Variants in PRC1 observed in about 807,000 individuals in gnomAD.
PRC1 encodes the protein anaphase spindle elongation 1 homolog.
A neutral mutation model predicts 91.2 loss-of-function variants in PRC1; 54 were observed. That is an observed-to-expected ratio of 0.59 (90% CI 0.48 to 0.74). The LOEUF (loss-of-function observed/expected upper bound fraction) is 0.74, where lower values mean the gene tolerates loss of function less well. PRC1 is among the 30% of genes least tolerant of loss of function. PRC1 has a pLI of 0.00. For missense variants in PRC1, 727 were observed against 746.2 expected (o/e 0.97, Z 0.30); for synonymous variants, 275 against 263.6 (o/e 1.04, Z -0.42).
Position 90,974,554 on chromosome 15 carries a change from T to G in PRC1, c.1350+31A>C, listed in dbSNP as rs780248828. 1 of 1,613,676 alleles carries G rather than the reference T, an allele frequency of 6.2e-7. No individual in the cohort carries two copies. Among genetic ancestry groups the G allele is most frequent in the South Asian group, 1.1e-5 (1 of 91,082 alleles). ...GCTGCTCAGATTACTTTCTTCGTCTTTTCCCAATTTGCGTTCACGTTCACA... is the reference window on the plus strand; with the variant it reads ...GCTGCTCAGATTACTTTCTTCGTCTGTTCCCAATTTGCGTTCACGTTCACA... On this transcript the variant is annotated intron_variant, in intron 10 of 14. Transcript: ENST00000394249. The surrounding 1 kb of genome is among the most constrained non-coding windows in gnomAD (Gnocchi z 4.6).
rs1483057624 is a variant in PRC1, at chr15:90,976,679, G to C, written c.1200C>G (p.Pro400=). 2 of 1,606,758 alleles carry C rather than the reference G, an allele frequency of 1.2e-6. No homozygotes were observed. Among genetic ancestry groups the C allele is most frequent in the Non-Finnish European group, 1.7e-6 (2 of 1,173,558 alleles). ...AAACCCTTAGCAACATTATTACCTT[G>C]GGCAGCATTTTCTGGAGCTTGGCTC... ...KQRAKLQKML[P]KLEEELKARI... is the part of the protein sequence containing the mutation. The change falls in exon 9 of 15, where the codon CCC becomes CCG. Residue 400 remains proline (P), a synonymous_variant. Transcript: ENST00000394249.
At chr15:90,987,832 T>G (rs898870946) in intron 1 of PRC1, 1 of 152,192 alleles carries the variant, frequency 6.6e-6, no homozygotes, top group Admixed American at 6.5e-5. Flanking sequence ...GTCACCAGCC[T>G]GGATCTCTAA....
intron 1 of PRC1, among the ~76,000 whole-genome samples, chr15:90,991,984 T>C (rs950020009): frequency 1.3e-5 from 2 of 152,220 alleles, no homozygotes; most frequent in Admixed American, 1.3e-4. Context: ...ACCTCAGTGC[T>C]CATTCTATTC....
chr15:90,973,273 G>C (rs1159414121), intron 11 of PRC1, among the ~76,000 whole-genome samples: 2 of 152,234 alleles, frequency 1.3e-5, no homozygotes, highest in Non-Finnish European at 2.9e-5. Context: ...TGGAATCAAG[G>C]TTCAAGGGAT....
chr15:90,976,726 G>A lies in PRC1; in HGVS notation c.1153C>T (p.Leu385Phe). Residue 385 changes from leucine (L) to phenylalanine (F), a missense_variant, in exon 9 of 15, where the codon CTT becomes TTT. Coordinates refer to ENST00000394249, the MANE Select transcript of PRC1 (RefSeq NM_003981.4). ...PNRFTNRGGNLLKEEKQRAKL... is the reference protein window; with the variant it reads ...PNRFTNRGGNFLKEEKQRAKL... ...GCTCGTTGTTTTTCTTCTTTTAGAA[G>A]ATTTCCTCCTCGGTTTGTAAATCGA... 1 of 1,613,698 alleles carries A rather than the reference G, an allele frequency of 6.2e-7. No individual in the cohort carries two copies. Among genetic ancestry groups the A allele is most frequent in the African/African-American group, 1.3e-5 (1 of 75,018 alleles).
intron 14 of PRC1, chr15:90,968,615 G>A: frequency 8.0e-6 from 8 of 996,016 alleles, no homozygotes; most frequent in Non-Finnish European, 9.6e-6. Context: ...GCAAAGGTGA[G>A]GAAATCAGCA....
chr15:90,967,354 G>A (rs2151394729), intron 14 of PRC1, 152 bp from the exon 15 acceptor site: 2 of 639,618 alleles, frequency 3.1e-6, no homozygotes, highest in East Asian at 2.7e-5. Context: ...AGTAAAAGGT[G>A]AGGAACTCTG....
intron 13 of PRC1, 122 bp downstream of exon 13, chr15:90,969,325 G>C (rs984932356): frequency 7.5e-7 from 1 of 1,341,596 alleles, no homozygotes; most frequent in South Asian, 1.4e-5. Flanking sequence ...AAGCAGGAAA[G>C]GGATTCTCAG....
chr15:90,971,830 C>T lies in PRC1; in HGVS notation c.1462-1316G>A, dbSNP rs998994503. Among the ~76,000 whole-genome samples the T allele has an allele frequency of 7.3e-5, 11 of 151,670 alleles. 1 individual carries two copies. The highest frequency in any genetic ancestry group is 6.6e-4 in the Admixed American group (10 of 15,228). On this transcript the variant is annotated intron_variant, in intron 11 of 14. Coordinates refer to ENST00000394249, the MANE Select transcript of PRC1 (RefSeq NM_003981.4). The stretch of plus-strand genomic sequence containing the variant: ...ATCTTCTGAGGTCAAGAGATTGAGA[C>T]CATCCTGGCCAACAAAGTGAAACCC...
In PRC1 at chr15:90,966,360, C is replaced by T. The variant is rs1308713775; in HGVS notation, c.*771G>A. 1 of 323,582 alleles carries T rather than the reference C, an allele frequency of 3.1e-6. No homozygotes were observed. Among genetic ancestry groups the T allele is most frequent in the African/African-American group, 2.2e-5 (1 of 45,756 alleles). 20.0% of individuals were successfully genotyped at this position (323,582 alleles called of 1,614,324 possible). ...TCTCCACGACAAAGACAGCTCAACC[C>T]ATTGGAACAAACAGACTCCCAATGT... On this transcript the variant is annotated 3_prime_UTR_variant, in exon 15 of 15. Coordinates refer to ENST00000394249, the MANE Select transcript of PRC1 (RefSeq NM_003981.4).
At chr15:90,967,839 T>C (rs2037658848) in intron 14 of PRC1, 1 of 985,406 alleles carries the variant, frequency 1.0e-6, no homozygotes, top group Non-Finnish European at 1.2e-6. Context: ...GGCATGACTC[T>C]ACTTCACAGA....
Position 90,979,244 on chromosome 15 carries a change from A to C in PRC1, c.1021T>G (p.Leu341Val). The stretch of plus-strand genomic sequence containing the variant: ...TTGTGAACTTCATAGTAGTTTTTTA[A>C]CCGCACAATCTCAGCATCGTGGAGC... Reference protein sequence around the residue: ...LQLHDAEIVRLKNYYEVHKEL... With the variant: ...LQLHDAEIVRVKNYYEVHKEL... The change falls in exon 8 of 15, where the codon TTA becomes GTA. Residue 341 changes from leucine to valine, a missense_variant. Transcript: ENST00000394249. 2 of 1,614,226 alleles carry C rather than the reference A, an allele frequency of 1.2e-6. No homozygotes were observed.
Position 90,966,323 on chromosome 15 carries a change from C to T in PRC1, c.*808G>A. 1 of 281,510 alleles carries T rather than the reference C, an allele frequency of 3.6e-6. No individual in the cohort carries two copies. Among genetic ancestry groups the T allele is most frequent in the Non-Finnish European group, 7.2e-6 (1 of 138,406 alleles). 17.4% of individuals were successfully genotyped at this position (281,510 alleles called of 1,614,324 possible). On this transcript the variant is annotated 3_prime_UTR_variant, in exon 15 of 15. Coordinates refer to ENST00000394249, the MANE Select transcript of PRC1 (RefSeq NM_003981.4). ...AACACCTCCCCAGTAGTGACATGTGCAAAGTTCCAGATCTCCACGACAAAG... is the reference window on the plus strand; with the variant it reads ...AACACCTCCCCAGTAGTGACATGTGTAAAGTTCCAGATCTCCACGACAAAG...
rs200166514 is a variant in PRC1, at chr15:90,981,930, C to A, written c.319G>T (p.Val107Leu). Residue 107 changes from valine to leucine, a missense_variant, in exon 4 of 15, where the codon GTG becomes TTG. Val to Leu is a conservative substitution (Grantham distance 32). Transcript: ENST00000394249. ...LQLEKDLRTQ[V>L]ELMRKQKKER... ...TTTTTCTGTTTTCGCATCAATTCCA[C>A]TTGGGTGCGCAAATCTTTTTCTAGT... The A allele has an allele frequency of 2.8e-5, 45 of 1,614,194 alleles. No homozygotes were observed. In the East Asian group the frequency reaches 8.2e-4, roughly 30 times the overall value.
At position 90,981,760 on chromosome 15, in the gene PRC1, C is replaced by T; in HGVS notation, c.489G>A (p.Leu163=). The change falls in exon 4 of 15, where the codon TTG becomes TTA. Residue 163 remains leucine, a synonymous_variant. Transcript: ENST00000394249. Reference sequence around the variant, plus strand: ...GTAGGCAGTGTACCTTTGTTTCCCTCAAAGTTGTCACATGTTGCCTGAACT... The same window carrying T: ...GTAGGCAGTGTACCTTTGTTTCCCTTAAAGTTGTCACATGTTGCCTGAACT... ...LNQFRQHVTT[L]RETKASRREE... 1 of 1,610,706 alleles carries T rather than the reference C, an allele frequency of 6.2e-7. No homozygotes were observed. Among genetic ancestry groups the T allele is most frequent in the Non-Finnish European group, 8.5e-7 (1 of 1,177,554 alleles).
chr15:90,985,423 G>A (rs1017026780), intron 1 of PRC1, among the ~76,000 whole-genome samples: 5 of 151,570 alleles, frequency 3.3e-5, no homozygotes, highest in East Asian at 1.9e-4. Flanking sequence ...TAGAGTTGGG[G>A]TTTCGCCATG....
intron 14 of PRC1, chr15:90,967,721 T>G: frequency 1.6e-6 from 1 of 612,560 alleles, no homozygotes; most frequent in Non-Finnish European, 2.0e-6. Context: ...CGCCATACCA[T>G]ATAGTTTAGG....
In PRC1 at chr15:90,974,099, C is replaced by G; in HGVS notation, c.1461+37G>C. 3.2e-6 allele frequency: 5 copies of G among 1,576,966 alleles called. No individual in the cohort carries two copies. The highest frequency in any genetic ancestry group is 4.4e-6 in the Non-Finnish European group (5 of 1,146,494). ...GTGGCTGGGACTACCCTCACCCACT[C>G]CCTTGAAATCAGTGTTTCCCTAAGC... On this transcript the variant is annotated intron_variant, in intron 11 of 14. Transcript: ENST00000394249. The surrounding 1 kb of genome is among the most constrained non-coding windows in gnomAD (Gnocchi z 4.6).
intron 9 of PRC1, among the ~76,000 whole-genome samples, chr15:90,976,353 A>G (rs899226252): frequency 6.6e-5 from 10 of 151,250 alleles, no homozygotes; most frequent in African/African-American, 2.2e-4. Flanking sequence ...GATCAAGACC[A>G]GGCTGGTCTT....
Sources: gnomAD v4.1 joint callset for allele counts (sites outside exome capture counted in the v4.1 genomes callset) on GRCh38, gnomAD v4.1.1 for gene constraint, Gnocchi (gnomAD v3.1) non-coding constraint, MANE v1.5 for transcripts, NCBI Gene and HGNC (gene_info 2026-07-23, HGNC 2026-07-21) for gene names.